Variants in NRG1 observed in about 807,000 individuals in gnomAD.
NRG1 encodes neuregulin 1, also known as pro-neuregulin-1, membrane-bound isoform.
NRG1 carries 18 observed loss-of-function variants against 63.8 expected under a neutral mutation model. The ratio of observed to expected loss-of-function variants is 0.28; its 90% CI spans 0.19 to 0.42. The LOEUF is 0.42. Among genes scored for constraint, NRG1 ranks in the 10% least tolerant of loss-of-function variants. NRG1 has a pLI of 1.00. For synonymous variants in NRG1, 302 were observed against 301.3 expected (o/e 1.00, Z -0.02); for missense variants, 762 against 814.7 (o/e 0.94, Z 0.79).
intron 1 of NRG1, among the ~76,000 whole-genome samples, chr8:31,670,625 T>C (rs1284154496): frequency 1.1e-3 from 161 of 151,954 alleles, no homozygotes; most frequent in Non-Finnish European, 1.0e-4. Flanking sequence ...GAGAAAGGGA[T>C]CATAAGTGGT....
At chr8:32,740,506 C>G (rs1475270483) in intron 6 of NRG1, among the ~76,000 whole-genome samples, 1 of 152,090 alleles carries the variant, frequency 6.6e-6, no homozygotes, top group Non-Finnish European at 1.5e-5. Flanking sequence ...CAAGCTTATA[C>G]TTCTTATTGA....
At chr8:31,951,133 G>T (rs1441296787) in intron 1 of NRG1, among the ~76,000 whole-genome samples, 3 of 152,218 alleles carry the variant, frequency 2.0e-5, no homozygotes, top group African/African-American at 7.2e-5. Flanking sequence ...TGGGAAAATA[G>T]TTCTAAAAAT....
chr8:31,679,845 T>G (rs1585615549), intron 1 of NRG1, among the ~76,000 whole-genome samples: 1 of 152,076 alleles, frequency 6.6e-6, no homozygotes, highest in South Asian at 2.1e-4. Context: ...TTAGAATGAA[T>G]AAAAGAGGTT....
At chr8:31,973,710 C>G (rs1807681874) in intron 1 of NRG1, among the ~76,000 whole-genome samples, 1 of 152,068 alleles carries the variant, frequency 6.6e-6, no homozygotes, top group Non-Finnish European at 1.5e-5. Flanking sequence ...AATCTTCAGG[C>G]CTGGAGTAGG....
At chr8:31,791,901 A>G (rs1820750207) in intron 1 of NRG1, among the ~76,000 whole-genome samples, 1 of 152,076 alleles carries the variant, frequency 6.6e-6, no homozygotes, top group Non-Finnish European at 1.5e-5. Flanking sequence ...TCACATTCTG[A>G]TTTGGGCTTC....
At chr8:32,115,628 G>A (rs551937186) in intron 1 of NRG1, among the ~76,000 whole-genome samples, 15 of 152,204 alleles carry the variant, frequency 9.9e-5, no homozygotes, top group African/African-American at 3.6e-4. Flanking sequence ...CATGTAAGTG[G>A]ACCCACGCAG....
chr8:32,365,852 A>C (rs1047583388), intron 1 of NRG1, among the ~76,000 whole-genome samples: 4 of 152,240 alleles, frequency 2.6e-5, no homozygotes, highest in African/African-American at 9.6e-5. Context: ...TTGATTTAGT[A>C]AATAATTTTC....
chr8:31,639,701 C>G (rs926779374), intron 1 of NRG1: 5 of 1,394,532 alleles, frequency 3.6e-6, no homozygotes, highest in Non-Finnish European at 4.6e-6. Context: ...ACCTGTCACT[C>G]CCTGTAACTG....
chr8:32,165,871 T>C (rs1397192756), intron 1 of NRG1, among the ~76,000 whole-genome samples: 1 of 152,140 alleles, frequency 6.6e-6, no homozygotes, highest in Non-Finnish European at 1.5e-5. Flanking sequence ...CAAGTATCAT[T>C]CATTGCCCCG....
At chr8:31,678,893 T>C (rs529566137) in intron 1 of NRG1, among the ~76,000 whole-genome samples, 1 of 151,466 alleles carries the variant, frequency 6.6e-6, no homozygotes, top group Non-Finnish European at 1.5e-5. Context: ...TTATAATGTT[T>C]TTAACTGTCT....
At chr8:31,855,231 C>T (rs1474044511) in intron 1 of NRG1, among the ~76,000 whole-genome samples, 3 of 152,126 alleles carry the variant, frequency 2.0e-5, no homozygotes, top group African/African-American at 4.8e-5. Flanking sequence ...CTCCCATTAA[C>T]AATGTGTGGG....
chr8:31,723,790 A>G (rs180682323), intron 1 of NRG1, among the ~76,000 whole-genome samples: 1 of 152,292 alleles, frequency 6.6e-6, no homozygotes, highest in East Asian at 1.9e-4. Flanking sequence ...TTAGAAATGA[A>G]GAAAGTGAGA....
At chr8:32,578,531 G>A (rs539502102) in intron 1 of NRG1, among the ~76,000 whole-genome samples, 1 of 151,338 alleles carries the variant, frequency 6.6e-6, no homozygotes, top group South Asian at 2.1e-4. Context: ...CAGAGGTACT[G>A]TCTGATGGTT....
chr8:31,845,753 C>T (rs1347304367), intron 1 of NRG1, among the ~76,000 whole-genome samples: 1 of 152,144 alleles, frequency 6.6e-6, no homozygotes, highest in South Asian at 2.1e-4. Context: ...CATTTTCTTA[C>T]TGAAGCTGAT....
At chr8:32,735,026 G>C (rs1055048102) in intron 6 of NRG1, among the ~76,000 whole-genome samples, 9 of 152,146 alleles carry the variant, frequency 5.9e-5, no homozygotes, top group African/African-American at 2.2e-4. Flanking sequence ...CAAGTGCTAT[G>C]AAGGATATTA....
In NRG1 at chr8:32,742,197, C is replaced by T; in HGVS notation, c.633-478C>T. On this transcript the variant is annotated intron_variant, in intron 6 of 11. Coordinates refer to ENST00000356819, the Ensembl canonical transcript of NRG1. This position sits in a 1 kb window ranked among gnomAD's most constrained non-coding sequence, Gnocchi z 4.2. The stretch of plus-strand genomic sequence containing the variant: ...TTGTTCTAATTATGGCTTAACCTCT[C>T]AAGGCATAAACCCATTCAGTGTTAC... 6.2e-6 allele frequency: 5 copies of T among 803,136 alleles called. No individual in the cohort carries two copies. Among genetic ancestry groups the T allele is most frequent in the Non-Finnish European group, 1.0e-5 (5 of 479,666 alleles). 49.8% of individuals were successfully genotyped at this position (803,136 alleles called of 1,614,324 possible).
At chr8:32,760,064 G>A (rs1044228413) in intron 10 of NRG1, 136 bp from the exon 11 acceptor site, 2 of 937,346 alleles carry the variant, frequency 2.1e-6, no homozygotes, top group Non-Finnish European at 3.2e-6. Context: ...TCTATTCGGA[G>A]ACAAGTGATG....
At chr8:31,837,266 T>A (rs1363802709) in intron 1 of NRG1, among the ~76,000 whole-genome samples, 1 of 152,052 alleles carries the variant, frequency 6.6e-6, no homozygotes, top group Non-Finnish European at 1.5e-5. Flanking sequence ...TAAACAGATA[T>A]GCCAATCTTT....
intron 1 of NRG1, among the ~76,000 whole-genome samples, chr8:31,938,638 C>A (rs1314415039): frequency 6.6e-6 from 1 of 151,940 alleles, no homozygotes; most frequent in Admixed American, 6.6e-5. Flanking sequence ...AAGGTGAAGT[C>A]CAACTTAAAG....
Sources: gnomAD v4.1 joint callset for allele counts (sites outside exome capture counted in the v4.1 genomes callset) on GRCh38, gnomAD v4.1.1 for gene constraint, Gnocchi (gnomAD v3.1) non-coding constraint, MANE v1.5 for transcripts, NCBI Gene and HGNC (gene_info 2026-07-23, HGNC 2026-07-21) for gene names.